The following NEGR1 variants were observed in gnomAD, a reference collection of about 807,000 sequenced individuals.
The protein encoded by NEGR1 is neuronal growth regulator 1.
In NEGR1, 10 loss-of-function variants were observed where a neutral mutation model predicts 40.9. The ratio of observed to expected loss-of-function variants is 0.24; its 90% CI spans 0.15 to 0.42. The LOEUF (loss-of-function observed/expected upper bound fraction) is 0.42. Ranked by LOEUF, NEGR1 falls within the 10% of genes least tolerant of loss-of-function variation. NEGR1 has a pLI of 1.00. For missense variants in NEGR1, 352 were observed against 438.9 expected (o/e 0.80, Z 1.77); for synonymous variants, 185 against 166.8 (o/e 1.11, Z -0.84).
intron 1 of NEGR1, among the ~76,000 whole-genome samples, chr1:72,201,834 C>G (rs12139803): frequency 6.6e-6 from 1 of 151,932 alleles, no homozygotes; most frequent in African/African-American, 2.4e-5. Context: ...GTCCTAATAA[C>G]TAGATCAACC....
chr1:71,718,598 C>A (rs955301858), intron 3 of NEGR1, among the ~76,000 whole-genome samples: 1 of 152,100 alleles, frequency 6.6e-6, no homozygotes, highest in African/African-American at 2.4e-5. Flanking sequence ...TTATTGATTT[C>A]ATTTTTTTAA....
At chr1:71,804,864 TA>T (rs773091308) in intron 2 of NEGR1, among the ~76,000 whole-genome samples, 117 of 152,310 alleles carry the variant, frequency 7.7e-4, no homozygotes, top group Non-Finnish European at 1.5e-3. Context: ...GAGATAACCT[TA>T]AACTCTGACT....
intron 6 of NEGR1, among the ~76,000 whole-genome samples, chr1:71,500,888 T>G (rs1646994137): frequency 6.6e-6 from 1 of 152,238 alleles, no homozygotes; most frequent in South Asian, 2.1e-4. Flanking sequence ...TGTATTATTA[T>G]AATTTATGTT....
intron 6 of NEGR1, among the ~76,000 whole-genome samples, chr1:71,567,739 T>C (rs1054316029): frequency 4.6e-5 from 7 of 152,142 alleles, no homozygotes; most frequent in Admixed American, 3.3e-4. Flanking sequence ...CAAATTTGTA[T>C]GTTGAAATTC....
chr1:71,951,434 C>T (rs892679610), intron 1 of NEGR1, among the ~76,000 whole-genome samples: 13 of 151,836 alleles, frequency 8.6e-5, no homozygotes, highest in African/African-American at 2.9e-4. Context: ...CAAAGTGAAA[C>T]TGAGATATAG....
At chr1:71,908,173 A>G (rs1166205625) in intron 2 of NEGR1, among the ~76,000 whole-genome samples, 1 of 151,874 alleles carries the variant, frequency 6.6e-6, no homozygotes, top group Non-Finnish European at 1.5e-5. Flanking sequence ...GAAATTGTTT[A>G]TAAAAATGAT....
intron 6 of NEGR1, among the ~76,000 whole-genome samples, chr1:71,448,663 G>A (rs1646601510): frequency 6.6e-6 from 1 of 152,058 alleles, no homozygotes; most frequent in Admixed American, 6.6e-5. Context: ...GAGGCAGAAA[G>A]CTCTGAGAAC....
intron 6 of NEGR1, among the ~76,000 whole-genome samples, chr1:71,567,846 T>TA (rs397694844): frequency 2.6e-5 from 4 of 151,624 alleles, no homozygotes; most frequent in East Asian, 1.9e-4. Context: ...TTTTTTTTTT[T>TA]ATAAGATAGA....
At chr1:72,086,767 C>T (rs1335748657) in intron 1 of NEGR1, among the ~76,000 whole-genome samples, 2 of 151,946 alleles carry the variant, frequency 1.3e-5, no homozygotes, top group African/African-American at 4.8e-5. Context: ...GATATAAGGT[C>T]GTGTTATATT....
At chr1:71,408,376 C>A (rs1431591252) in intron 6 of NEGR1, among the ~76,000 whole-genome samples, 2 of 151,940 alleles carry the variant, frequency 1.3e-5, no homozygotes, top group East Asian at 3.9e-4. Context: ...TATTGAAAGA[C>A]ATTTTGAAGA....
At chr1:71,521,165 G>T (rs577655230) in intron 6 of NEGR1, among the ~76,000 whole-genome samples, 1 of 152,080 alleles carries the variant, frequency 6.6e-6, no homozygotes, top group Non-Finnish European at 1.5e-5. Flanking sequence ...TAAAGTCCTA[G>T]ATTCAATGTA....
chr1:72,168,780 G>A (rs1246923883), intron 1 of NEGR1, among the ~76,000 whole-genome samples: 1 of 152,096 alleles, frequency 6.6e-6, no homozygotes. Flanking sequence ...TGCGCCTGTA[G>A]TCCTAGCTAC....
At chr1:72,143,920 T>TATA (rs1557548491) in intron 1 of NEGR1, among the ~76,000 whole-genome samples, 26 of 105,234 alleles carry the variant, frequency 2.5e-4, no homozygotes, top group African/African-American at 1.2e-3. Context: ...ATATAATATA[T>TATA]ATATATATAT....
At chr1:71,478,593 T>C (rs901233338) in intron 6 of NEGR1, among the ~76,000 whole-genome samples, 12 of 152,024 alleles carry the variant, frequency 7.9e-5, no homozygotes, top group African/African-American at 2.9e-4. Context: ...GTCCCCTGCC[T>C]GACTTAACAC....
intron 1 of NEGR1, among the ~76,000 whole-genome samples, chr1:72,059,628 T>C (rs1378448929): frequency 6.6e-6 from 1 of 151,686 alleles, no homozygotes; most frequent in Non-Finnish European, 1.5e-5. Flanking sequence ...GAGATTTTAA[T>C]AGTTTAATGA....
At chr1:71,630,557 C>G (rs1463753873) in intron 4 of NEGR1, among the ~76,000 whole-genome samples, 2 of 151,828 alleles carry the variant, frequency 1.3e-5, no homozygotes, top group African/African-American at 4.8e-5. Flanking sequence ...AAATAATGGT[C>G]CATTATGGTT....
intron 1 of NEGR1, among the ~76,000 whole-genome samples, chr1:72,142,797 C>A (rs555786786): frequency 6.6e-6 from 1 of 151,634 alleles, no homozygotes; most frequent in South Asian, 2.1e-4. Context: ...CTACATGAAA[C>A]CCTATTCCTT....
intron 1 of NEGR1, among the ~76,000 whole-genome samples, chr1:72,236,105 A>G (rs1654536214): frequency 6.6e-6 from 1 of 152,044 alleles, no homozygotes; most frequent in Non-Finnish European, 1.5e-5. Flanking sequence ...ATGCAGCCAT[A>G]AAAAGGATGA....
intron 2 of NEGR1, among the ~76,000 whole-genome samples, chr1:71,868,417 TTAAA>T (rs1660177401): frequency 6.7e-6 from 1 of 149,608 alleles, no homozygotes; most frequent in Non-Finnish European, 1.5e-5. Context: ...TTACCTTAAA[TTAAA>T]TAGATAGATG....
Sources: gnomAD v4.1 joint callset for allele counts (sites outside exome capture counted in the v4.1 genomes callset) on GRCh38, gnomAD v4.1.1 for gene constraint, MANE v1.5 for transcripts, NCBI Gene and HGNC (gene_info 2026-07-23, HGNC 2026-07-21) for gene names.